SEC61A1: variants seen among roughly 807,000 people sequenced by gnomAD.
SEC61A1 encodes SEC61 translocon subunit alpha 1.
A neutral mutation model predicts 55.2 loss-of-function variants in SEC61A1; 15 were observed. The observed-to-expected ratio is 0.27, with a 90% CI of 0.18 to 0.42. The LOEUF is 0.42. Ranked by LOEUF, SEC61A1 falls within the 10% of genes least tolerant of loss-of-function variation. SEC61A1 has a pLI of 1.00. For missense variants in SEC61A1, 284 were observed against 602.6 expected, an observed-to-expected ratio of 0.47 and a Z score of 5.53; for synonymous variants, 247 against 234.0, an observed-to-expected ratio of 1.06 and a Z score of -0.51.
chr3:128,051,809 G>T, upstream of SEC61A1: 1 of 1,534,810 alleles, frequency 6.5e-7, no homozygotes, highest in Non-Finnish European at 8.7e-7. Context: ...CTCCGGCCAA[G>T]TCTCTCCAGA....
At chr3:128,064,843 G>T in intron 7 of SEC61A1, 34 bp from the exon 8 acceptor site, 1 of 1,538,902 alleles carries the variant, frequency 6.5e-7, no homozygotes, top group Non-Finnish European at 8.7e-7. Context: ...TTGCCTGTTC[G>T]TTCCTTCATA....
At chr3:128,054,984 C>T (rs561904172) in intron 2 of SEC61A1, among the ~76,000 whole-genome samples, 39 of 152,316 alleles carry the variant, frequency 2.6e-4, no homozygotes, top group South Asian at 1.0e-3. Context: ...TCCTGCCCTT[C>T]CCCAATATGG....
intron 5 of SEC61A1, 97 bp downstream of exon 5, chr3:128,056,937 ATTT>A: frequency 1.2e-4 from 98 of 850,232 alleles, no homozygotes; most frequent in South Asian, 2.7e-4. Flanking sequence ...TTTATTTTTT[ATTT>A]TTTTTTTTTT....
intron 7 of SEC61A1, among the ~76,000 whole-genome samples, chr3:128,061,471 AATC>A (rs1490747267): frequency 6.6e-6 from 1 of 152,254 alleles, no homozygotes; most frequent in Non-Finnish European, 1.5e-5. Context: ...CAGGAGAAAT[AATC>A]ATGCATATTT....
Position 128,064,948 on chromosome 3 carries a change from C to A in SEC61A1, c.688C>A (p.Leu230Ile). 6.2e-7 allele frequency: 1 copy of A among 1,614,236 alleles called. No homozygotes were observed. The highest frequency in any genetic ancestry group is 8.5e-7 in the Non-Finnish European group (1 of 1,180,034). The part of the protein sequence containing the change: ...LATRTDKVRA[L>I]REAFYRQNLP... The stretch of plus-strand genomic sequence containing the variant: ...CACACGCACAGACAAGGTCCGAGCC[C>A]TTCGGGAGGCGTTCTACCGCCAGAA... Residue 230 changes from leucine to isoleucine, a missense_variant, in exon 8 of 12, where the codon CTT becomes ATT. Leu to Ile is a conservative substitution (Grantham distance 5). Coordinates refer to ENST00000243253, the MANE Select transcript of SEC61A1 (RefSeq NM_013336.4).
upstream of SEC61A1, chr3:128,051,946 A>C (rs1052780816): frequency 1.2e-5 from 18 of 1,474,718 alleles, no homozygotes; most frequent in Non-Finnish European, 1.6e-5. Context: ...CTCAGCAGGT[A>C]ATGACGGAGA....
intron 2 of SEC61A1, among the ~76,000 whole-genome samples, chr3:128,054,104 G>GA (rs1176730619): frequency 4.6e-5 from 7 of 152,198 alleles, no homozygotes; most frequent in Non-Finnish European, 7.3e-5. Context: ...CCAGACATGA[G>GA]AATGTCACTT....
At position 128,067,871 on chromosome 3, in the gene SEC61A1, A is replaced by G. The variant is rs1423371688; in HGVS notation, c.1168-112A>G. 6 of 859,170 alleles carry G rather than the reference A, an allele frequency of 7.0e-6. No homozygotes were observed. The highest frequency in any genetic ancestry group is 4.2e-5 in the South Asian group (3 of 70,596). 53.2% of individuals were successfully genotyped at this position (859,170 alleles called of 1,614,324 possible). ...TTGCGGCAGTTTTAAAGTTCTCTGT[A>G]TGAATATTGTCAGTGCTCGAAGAGG... is the stretch of plus-strand genomic sequence containing the variant. On this transcript the variant is annotated intron_variant, in intron 10 of 11. Coordinates refer to ENST00000243253, the MANE Select transcript of SEC61A1 (RefSeq NM_013336.4). The surrounding 1 kb of genome is among the most constrained non-coding windows in gnomAD (Gnocchi z 4.1).
At chr3:128,061,483 T>C (rs1287578619) in intron 7 of SEC61A1, among the ~76,000 whole-genome samples, 2 of 152,200 alleles carry the variant, frequency 1.3e-5, no homozygotes, top group Non-Finnish European at 2.9e-5. Flanking sequence ...TCATGCATAT[T>C]TGAGAGTTTT....
In SEC61A1 at chr3:128,070,294, C is replaced by T. The variant is rs72974055; in HGVS notation, c.*632C>T. The T allele has an allele frequency of 8.7e-4, 132 of 152,428 alleles. 1 individual carries two copies. The highest frequency in any genetic ancestry group is 3.1e-3 in the African/African-American group (128 of 41,568). 9.4% of individuals were successfully genotyped at this position (152,428 alleles called of 1,614,324 possible). The stretch of plus-strand genomic sequence containing the variant: ...CACTCCTGGCCATCTGTGGATTTGT[C>T]TGTGCACCTATTGGCTCTTCTAGCT... On this transcript the variant is annotated 3_prime_UTR_variant, in exon 12 of 12. Transcript: ENST00000243253.
chr3:128,055,161 T>G (rs1941753680), intron 2 of SEC61A1, among the ~76,000 whole-genome samples: 1 of 152,262 alleles, frequency 6.6e-6, no homozygotes, highest in Admixed American at 6.5e-5. Flanking sequence ...TTCTTGAGTC[T>G]TAACTGTTAA....
At chr3:128,055,165 C>G (rs1314963536) in intron 2 of SEC61A1, among the ~76,000 whole-genome samples, 5 of 152,198 alleles carry the variant, frequency 3.3e-5, no homozygotes, top group African/African-American at 1.2e-4. Flanking sequence ...TGAGTCTTAA[C>G]TGTTAATGCT....
intron 7 of SEC61A1, among the ~76,000 whole-genome samples, chr3:128,062,192 G>A (rs1262546425): frequency 1.3e-5 from 2 of 152,208 alleles, no homozygotes; most frequent in Non-Finnish European, 2.9e-5. Context: ...TCGTGTTTGG[G>A]ACCTGGCTGA....
upstream of SEC61A1, chr3:128,051,931 C>T (rs1433456049): frequency 6.6e-7 from 1 of 1,518,280 alleles, no homozygotes; most frequent in Non-Finnish European, 8.8e-7. Flanking sequence ...CCAGCCCGCG[C>T]CCTACTCAGC....
chr3:128,064,059 A>G (rs1410682055), intron 7 of SEC61A1, among the ~76,000 whole-genome samples: 2 of 152,144 alleles, frequency 1.3e-5, no homozygotes, highest in Non-Finnish European at 2.9e-5. Context: ...TGGTGGACGC[A>G]AGCATATCCT....
upstream of SEC61A1, chr3:128,051,873 C>T (rs925626384): frequency 1.3e-6 from 2 of 1,535,966 alleles, no homozygotes; most frequent in African/African-American, 2.7e-5. Flanking sequence ...CGACAAGCCT[C>T]CGGGTTTGCT....
chr3:128,060,262 C>T (rs1034065888), intron 6 of SEC61A1, 51 bp downstream of exon 6: 1 of 1,308,034 alleles, frequency 7.6e-7, no homozygotes, highest in Non-Finnish European at 1.1e-6. Context: ...CACTTACCTA[C>T]AATTCTCACA....
In SEC61A1 at chr3:128,060,488, G is replaced by A; in HGVS notation, c.463-20G>A. ...GTGGGGAGCAGTAACACATAGTCTT[G>A]TATTTTTGAATTTTTACAGCTCTTT... On this transcript the variant is annotated intron_variant, in intron 6 of 11. Transcript: ENST00000243253. The A allele has an allele frequency of 6.2e-7, 1 of 1,613,580 alleles. No homozygotes were observed. The highest frequency in any genetic ancestry group is 8.5e-7 in the Non-Finnish European group (1 of 1,179,638).
chr3:128,053,841 A>G (rs1375271332), intron 2 of SEC61A1, among the ~76,000 whole-genome samples: 1 of 152,192 alleles, frequency 6.6e-6, no homozygotes, highest in African/African-American at 2.4e-5. Context: ...GGAACAAGGG[A>G]AATACGTGCA....
Sources: gnomAD v4.1 joint callset for allele counts (sites outside exome capture counted in the v4.1 genomes callset) on GRCh38, gnomAD v4.1.1 for gene constraint, Gnocchi (gnomAD v3.1) non-coding constraint, MANE v1.5 for transcripts, NCBI Gene and HGNC (gene_info 2026-07-23, HGNC 2026-07-21) for gene names.